The following SP140 variants were observed in gnomAD, a reference collection of about 807,000 sequenced individuals.
SP140 encodes the protein SP140 nuclear body protein, also known as nuclear body protein SP140.
A neutral mutation model predicts 125.0 loss-of-function variants in SP140; 81 were observed. That is an observed-to-expected ratio of 0.65 (90% CI 0.54 to 0.78). SP140 has a LOEUF of 0.78. Among genes scored for constraint, SP140 ranks in the 30% least tolerant of loss-of-function variants. The probability of loss-of-function intolerance (pLI) is 0.00; values close to 1 mark genes in which losing one functional copy is unlikely to be tolerated. For synonymous variants in SP140, 312 were observed against 354.0 expected, an observed-to-expected ratio of 0.88 and a Z score of 1.33; for missense variants, 858 against 1,037.0, an observed-to-expected ratio of 0.83 and a Z score of 2.37.
chr2:230,301,510 C>T (rs1429601822), intron 22 of SP140, among the ~76,000 whole-genome samples: 1 of 152,114 alleles, frequency 6.6e-6, no homozygotes, highest in Non-Finnish European at 1.5e-5. Context: ...TAATTATCAG[C>T]CAAGAATTTT....
intron 1 of SP140, among the ~76,000 whole-genome samples, chr2:230,228,748 T>C (rs1286714606): frequency 6.6e-6 from 1 of 152,222 alleles, no homozygotes; most frequent in Non-Finnish European, 1.5e-5. Context: ...TATATCTTGC[T>C]CCATCCCTTT....
chr2:230,200,681 T>C (rs2043089927), upstream of SP140: 2 of 609,978 alleles, frequency 3.3e-6, no homozygotes, highest in Non-Finnish European at 2.9e-6. Context: ...TACATACATA[T>C]GGACACATTA....
intron 3 of SP140, chr2:230,214,867 A>C: frequency 8.6e-7 from 1 of 1,161,746 alleles, no homozygotes; most frequent in Non-Finnish European, 1.3e-6. Context: ...ATTAACGTGC[A>C]TATTCCACAG....
rs532356942 is a variant in SP140 at position 230,250,700 on chromosome 2, A to G, written c.977-281A>G. Among the ~76,000 whole-genome samples, 7 of 152,324 alleles carry G rather than the reference A, an allele frequency of 4.6e-5. No homozygotes were observed. The East Asian group carries it at 1.3e-3, about 29-fold the overall frequency. On this transcript the variant is annotated intron_variant, in intron 9 of 26. Transcript: ENST00000392045. ...CTGGAGCCACTGGCAGCAGGAAAGC[A>G]GGGCAAAGGCAGAAGAAATGTGCCT...
chr2:230,235,444 A>C (rs2047829864), intron 1 of SP140, among the ~76,000 whole-genome samples: 1 of 152,230 alleles, frequency 6.6e-6, no homozygotes, highest in African/African-American at 2.4e-5. Context: ...AAGAGGAGAA[A>C]AACAGTTGTC....
At chr2:230,311,000 A>T in intron 24 of SP140, 149 bp downstream of exon 24, 1 of 853,408 alleles carries the variant, frequency 1.2e-6, no homozygotes, top group South Asian at 1.8e-5. Context: ...CCTTGTTTGC[A>T]CAAAAAATAA....
intron 1 of SP140, chr2:230,203,411 T>C (rs1289228007): frequency 1.3e-5 from 2 of 154,226 alleles, no homozygotes; most frequent in Non-Finnish European, 2.9e-5. Context: ...ACACAGAGTG[T>C]GCAGCCATGC....
At chr2:230,295,467 T>C (rs2149508624) in intron 21 of SP140, among the ~76,000 whole-genome samples, 1 of 152,358 alleles carries the variant, frequency 6.6e-6, no homozygotes, top group Non-Finnish European at 1.5e-5. Flanking sequence ...TAACTGAGTC[T>C]GGATGACCCA....
At chr2:230,254,402 C>G (rs2050835986) in intron 11 of SP140, among the ~76,000 whole-genome samples, 1 of 152,150 alleles carries the variant, frequency 6.6e-6, no homozygotes, top group African/African-American at 2.4e-5. Flanking sequence ...CTCCCCGCAG[C>G]CTCATCTGCT....
chr2:230,256,403 C>G (rs1229991498), intron 12 of SP140, among the ~76,000 whole-genome samples: 1 of 151,634 alleles, frequency 6.6e-6, no homozygotes, highest in Admixed American at 6.6e-5. Flanking sequence ...AACCATCATT[C>G]TCAGCAAACT....
At chr2:230,244,445 G>C (rs2049130228) in intron 5 of SP140, among the ~76,000 whole-genome samples, 1 of 152,170 alleles carries the variant, frequency 6.6e-6, no homozygotes, top group African/African-American at 2.4e-5. Context: ...CAGAGATCAG[G>C]GTAGCCAGGG....
At chr2:230,276,955 A>T (rs1217946558) in intron 15 of SP140, among the ~76,000 whole-genome samples, 1 of 152,180 alleles carries the variant, frequency 6.6e-6, no homozygotes, top group Admixed American at 6.5e-5. Context: ...CTGCAATCTC[A>T]TGATAAACCT....
At chr2:230,195,444 C>T in the SP140 span, among the ~76,000 whole-genome samples, 2 of 152,088 alleles carry the variant, frequency 1.3e-5, no homozygotes, top group Admixed American at 6.6e-5. Context: ...AAGTGATTAT[C>T]GCACCTCAGC....
At position 230,211,650 on chromosome 2, in the gene SP140, A is replaced by T; in HGVS notation, c.-322-2004A>T. On this transcript the variant is annotated intron_variant, in intron 1 of 4. Transcript: ENST00000456542. This position sits in a 1 kb window ranked among gnomAD's most constrained non-coding sequence, Gnocchi z 4.2. The stretch of plus-strand genomic sequence containing the variant: ...TGCTCTATTCCAACAAGTAAAAATG[A>T]CGGGGTAACAGCAACCAAGGCCTGG... The T allele has an allele frequency of 1.2e-6, 1 of 810,296 alleles. No homozygotes were observed. The highest frequency in any genetic ancestry group is 2.2e-6 in the Non-Finnish European group (1 of 462,414). 50.2% of individuals were successfully genotyped at this position (810,296 alleles called of 1,614,324 possible).
chr2:230,264,783 G>A (rs182642898), intron 12 of SP140, among the ~76,000 whole-genome samples: 1 of 152,204 alleles, frequency 6.6e-6, no homozygotes, highest in South Asian at 2.1e-4. Flanking sequence ...CAGGCTCCAG[G>A]CTGGTACTCG....
At chr2:230,247,832 C>A in intron 7 of SP140, 84 bp from the exon 8 acceptor site, 2 of 1,426,072 alleles carry the variant, frequency 1.4e-6, no homozygotes, top group South Asian at 1.3e-5. Context: ...CCTTGTTTCA[C>A]TACAATCTCC....
the SP140 span, among the ~76,000 whole-genome samples, chr2:230,188,557 C>T: frequency 6.6e-6 from 1 of 152,130 alleles, no homozygotes; most frequent in Non-Finnish European, 1.5e-5. Context: ...GCATCCTTGT[C>T]TTATTCCAGT....
intron 12 of SP140, among the ~76,000 whole-genome samples, chr2:230,257,237 C>T (rs1474417367): frequency 6.6e-6 from 1 of 151,658 alleles, no homozygotes; most frequent in East Asian, 1.9e-4. Flanking sequence ...GATAAGGAAA[C>T]ATTATCAAGA....
At chr2:230,248,796 A>T in intron 8 of SP140, 89 bp from the exon 9 acceptor site, 1 of 1,014,524 alleles carries the variant, frequency 9.9e-7, no homozygotes. Context: ...GGTGGCTCTC[A>T]GCATTTGCCC....
Sources: gnomAD v4.1 joint callset for allele counts (sites outside exome capture counted in the v4.1 genomes callset) on GRCh38, gnomAD v4.1.1 for gene constraint, Gnocchi (gnomAD v3.1) non-coding constraint, MANE v1.5 for transcripts, NCBI Gene and HGNC (gene_info 2026-07-23, HGNC 2026-07-21) for gene names.